Variants in LINGO2 observed in about 807,000 individuals in gnomAD.
LINGO2 encodes the protein leucine rich repeat and Ig domain containing 2.
In LINGO2, 14 loss-of-function variants were observed where a neutral mutation model predicts 30.6. The observed-to-expected ratio is 0.46, with a 90% CI of 0.30 to 0.72. The LOEUF (loss-of-function observed/expected upper bound fraction) is 0.72. Ranked by LOEUF, LINGO2 falls within the 30% of genes least tolerant of loss-of-function variation. LINGO2 has a pLI of 0.07. For missense variants in LINGO2, 729 were observed against 751.7 expected (o/e 0.97, Z 0.35); for synonymous variants, 317 against 288.5 (o/e 1.10, Z -1.00).
At chr9:28,307,250 C>T (rs1019333591) in intron 3 of LINGO2, among the ~76,000 whole-genome samples, 1 of 152,182 alleles carries the variant, frequency 6.6e-6, no homozygotes, top group Non-Finnish European at 1.5e-5. Context: ...TGGGCTTCAT[C>T]CCTGGGATGC....
At chr9:28,546,841 T>A (rs1821975911) in intron 1 of LINGO2, among the ~76,000 whole-genome samples, 1 of 152,080 alleles carries the variant, frequency 6.6e-6, no homozygotes, top group African/African-American at 2.4e-5. Context: ...TATCATTTTC[T>A]GAACCCCAAT....
chr9:28,626,843 T>G (rs2135854523), intron 1 of LINGO2, among the ~76,000 whole-genome samples: 1 of 152,042 alleles, frequency 6.6e-6, no homozygotes, highest in Admixed American at 6.6e-5. Flanking sequence ...TGTGTGTGTG[T>G]GTCTTCCATT....
intron 4 of LINGO2, among the ~76,000 whole-genome samples, chr9:28,106,492 ACTT>A (rs1410012531): frequency 6.6e-6 from 1 of 152,094 alleles, no homozygotes; most frequent in Non-Finnish European, 1.5e-5. Flanking sequence ...GAAGAGGAAA[ACTT>A]CTTATTTAAT....
chr9:28,993,964 G>A, the LINGO2 span, among the ~76,000 whole-genome samples: 2 of 151,178 alleles, frequency 1.3e-5, no homozygotes, highest in Non-Finnish European at 3.0e-5. Context: ...GCACAAGACA[G>A]GGATGCCCTC....
chr9:28,433,701 T>C (rs1288440408), intron 2 of LINGO2, among the ~76,000 whole-genome samples: 1 of 152,010 alleles, frequency 6.6e-6, no homozygotes, highest in Non-Finnish European at 1.5e-5. Flanking sequence ...GTACAACCAC[T>C]ATGGAAAACA....
the LINGO2 span, among the ~76,000 whole-genome samples, chr9:29,048,176 G>T: frequency 6.6e-6 from 1 of 151,442 alleles, no homozygotes; most frequent in Non-Finnish European, 1.5e-5. Context: ...TGCCAACAAT[G>T]AAAAATGTGA....
At position 28,215,013 on chromosome 9, in the gene LINGO2, G is replaced by T. The variant is rs182172669; in HGVS notation, c.-87+80195C>A. Among the ~76,000 whole-genome samples the T allele has an allele frequency of 1.9e-4, 29 of 151,712 alleles. No homozygotes were observed. In the East Asian group the frequency reaches 5.6e-3, roughly 29 times the overall value. On this transcript the variant is annotated intron_variant, in intron 4 of 5. Coordinates refer to ENST00000379992, the Ensembl canonical transcript of LINGO2. ...TTTAAGGACATGGGGAATTTTAAAA[G>T]TGAAGAGATCCTCTTTCTTCTACAG...
At chr9:28,488,843 A>T (rs6476071) in intron 1 of LINGO2, among the ~76,000 whole-genome samples, 1 of 151,948 alleles carries the variant, frequency 6.6e-6, no homozygotes, top group Non-Finnish European at 1.5e-5. Context: ...TGGTGCTTGA[A>T]TTAATCATAT....
intron 2 of LINGO2, among the ~76,000 whole-genome samples, chr9:28,396,707 A>AAAAAG (rs1822061110): frequency 6.7e-6 from 1 of 148,824 alleles, no homozygotes; most frequent in Admixed American, 6.7e-5. Flanking sequence ...CCATCTCAAA[A>AAAAAG]AAAAAAAAAA....
At chr9:29,199,102 T>C in the LINGO2 span, among the ~76,000 whole-genome samples, 1 of 152,080 alleles carries the variant, frequency 6.6e-6, no homozygotes, top group Non-Finnish European at 1.5e-5. Flanking sequence ...GCCCCTCTCA[T>C]TGAAGTTTCA....
At chr9:28,781,773 A>T in the LINGO2 span, among the ~76,000 whole-genome samples, 183 of 152,310 alleles carry the variant, frequency 1.2e-3, no homozygotes, top group Middle Eastern at 0.01. Flanking sequence ...GGAGGAGGAA[A>T]AAAATCCACT....
intron 4 of LINGO2, among the ~76,000 whole-genome samples, chr9:28,079,637 G>C (rs997868069): frequency 1.3e-5 from 2 of 152,110 alleles, no homozygotes; most frequent in African/African-American, 4.8e-5. Flanking sequence ...TTTTTATCCA[G>C]GATAGATGTG....
chr9:28,750,471 A>G, the LINGO2 span, among the ~76,000 whole-genome samples: 1 of 152,118 alleles, frequency 6.6e-6, no homozygotes, highest in African/African-American at 2.4e-5. Context: ...TAATCCTTCC[A>G]GCTGGGAGTG....
At chr9:28,111,388 G>A (rs537265570) in intron 4 of LINGO2, among the ~76,000 whole-genome samples, 5 of 151,452 alleles carry the variant, frequency 3.3e-5, no homozygotes, top group African/African-American at 1.2e-4. Flanking sequence ...ATGTATCCCA[G>A]AAGTTAAAGT....
the LINGO2 span, among the ~76,000 whole-genome samples, chr9:28,812,403 T>G: frequency 6.6e-6 from 1 of 152,176 alleles, no homozygotes; most frequent in African/African-American, 2.4e-5. Flanking sequence ...TCTTTCATGA[T>G]GCGCAATTAT....
chr9:28,185,600 T>C (rs2133735482), intron 4 of LINGO2, among the ~76,000 whole-genome samples: 1 of 152,320 alleles, frequency 6.6e-6, no homozygotes, highest in East Asian at 1.9e-4. Flanking sequence ...CACTTTTCAC[T>C]ATTTGTATTC....
the LINGO2 span, among the ~76,000 whole-genome samples, chr9:29,185,162 T>A: frequency 6.6e-6 from 1 of 152,052 alleles, no homozygotes; most frequent in Admixed American, 6.5e-5. Flanking sequence ...GAGTGTCTCA[T>A]TTACCTCTAG....
At chr9:28,060,171 C>T (rs1300216748) in intron 4 of LINGO2, among the ~76,000 whole-genome samples, 1 of 152,012 alleles carries the variant, frequency 6.6e-6, no homozygotes, top group Non-Finnish European at 1.5e-5. Context: ...AAAGTGGATA[C>T]GTAATTTTTC....
the LINGO2 span, among the ~76,000 whole-genome samples, chr9:29,158,000 G>A: frequency 6.6e-6 from 1 of 152,068 alleles, no homozygotes; most frequent in African/African-American, 2.4e-5. Context: ...TGATTCAGAT[G>A]CAACTTTCTG....
Sources: allele counts gnomAD v4.1 joint callset (sites outside exome capture counted in the v4.1 genomes callset), GRCh38; gene constraint gnomAD v4.1.1; transcripts MANE v1.5; gene names NCBI Gene and HGNC (gene_info 2026-07-23, HGNC 2026-07-21).